Variants in FAM114A2 observed in about 807,000 individuals in gnomAD.
The protein encoded by FAM114A2 is protein FAM114A2.
FAM114A2 carries 53 observed loss-of-function variants against 58.4 expected under a neutral mutation model. The ratio of observed to expected loss-of-function variants is 0.91; its 90% CI spans 0.73 to 1.14. The LOEUF is 1.14. Among genes scored for constraint, FAM114A2 ranks in the 50% most tolerant of loss-of-function variants. FAM114A2 has a pLI of 0.00. For synonymous variants in FAM114A2, 228 were observed against 211.4 expected (o/e 1.08, Z -0.68); for missense variants, 601 against 581.1 (o/e 1.03, Z -0.35).
At chr5:154,002,416 T>C in intron 10 of FAM114A2, 26 bp from the exon 11 acceptor site, 1 of 1,607,020 alleles carries the variant, frequency 6.2e-7, no homozygotes, top group Non-Finnish European at 8.5e-7. Context: ...AAACAAAGCA[T>C]AGCAAAACAA....
chr5:154,014,341 C>A (rs947933851), intron 8 of FAM114A2, among the ~76,000 whole-genome samples: 18 of 152,104 alleles, frequency 1.2e-4, no homozygotes, highest in African/African-American at 4.1e-4. Flanking sequence ...GACAGAGCAG[C>A]GCGTGGAGGC....
At chr5:154,024,750 CT>C (rs1771668894) in intron 8 of FAM114A2, among the ~76,000 whole-genome samples, 5 of 152,258 alleles carry the variant, frequency 3.3e-5, no homozygotes. Context: ...TCCATTAGGT[CT>C]TTTACCCATG....
At position 154,002,339 on chromosome 5, in the gene FAM114A2, T is replaced by A; in HGVS notation, c.1168A>T (p.Ile390Phe). ...GCAGCTGTTTTGTGGAATAGTTCAA[T>A]TGAGCAGGCAGTCAGTTCAGCCAGG... ...RSLAELTACS[I>F]ELFHKTAALV... The change falls in exon 11 of 14, where the codon ATT becomes TTT. Residue 390 changes from isoleucine to phenylalanine, a missense_variant. Coordinates refer to ENST00000351797, the MANE Select transcript of FAM114A2 (RefSeq NM_018691.4). The A allele has an allele frequency of 6.2e-7, 1 of 1,614,090 alleles. No individual in the cohort carries two copies. The highest frequency in any genetic ancestry group is 1.1e-5 in the South Asian group (1 of 91,076).
intron 4 of FAM114A2, among the ~76,000 whole-genome samples, chr5:154,033,561 G>C (rs1460579379): frequency 6.6e-6 from 1 of 152,090 alleles, no homozygotes; most frequent in Admixed American, 6.5e-5. Context: ...ACAGTCACTT[G>C]AGATATAAAA....
intron 11 of FAM114A2, among the ~76,000 whole-genome samples, chr5:154,000,998 CA>C (rs1769932987): frequency 2.6e-5 from 4 of 152,054 alleles, no homozygotes; most frequent in Admixed American, 2.6e-4. Context: ...ACAACAACTC[CA>C]AAAGTAAGTG....
chr5:154,005,225 C>T (rs895276010), intron 9 of FAM114A2, among the ~76,000 whole-genome samples: 4 of 152,174 alleles, frequency 2.6e-5, no homozygotes, highest in Non-Finnish European at 5.9e-5. Context: ...CCCATATCTC[C>T]TTTCTTTTGG....
At chr5:154,015,757 T>C (rs1770999023) in intron 8 of FAM114A2, among the ~76,000 whole-genome samples, 1 of 151,802 alleles carries the variant, frequency 6.6e-6, no homozygotes, top group East Asian at 1.9e-4. Flanking sequence ...CAGCAATGAA[T>C]CCAAACCAAG....
In FAM114A2 at chr5:153,990,276, T is replaced by C. The variant is rs373174949; in HGVS notation, c.*2700A>G. 1 of 152,162 alleles carries C rather than the reference T, an allele frequency of 6.6e-6. No homozygotes were observed. Among genetic ancestry groups the C allele is most frequent in the Non-Finnish European group, 1.5e-5 (1 of 68,034 alleles). 9.4% of individuals were successfully genotyped at this position (152,162 alleles called of 1,614,324 possible). A position where few individuals can be genotyped will look rare whatever the true frequency, so the allele number is the denominator to read the frequency against. On this transcript the variant is annotated 3_prime_UTR_variant, in exon 14 of 14. Transcript: ENST00000351797. ...CTCAAATGGAGATATCAATAGCAAC[T>C]ACCTATAAAATAGCTCTCCCTCAAA...
intron 11 of FAM114A2, among the ~76,000 whole-genome samples, chr5:153,999,943 A>G (rs1228024120): frequency 3.3e-5 from 5 of 151,708 alleles, no homozygotes; most frequent in Admixed American, 3.3e-4. Context: ...GTATATATGT[A>G]TGTGTGTGTA....
chr5:154,028,279 T>C lies in FAM114A2; in HGVS notation c.500A>G (p.Lys167Arg). 1 of 1,592,100 alleles carries C rather than the reference T, an allele frequency of 6.3e-7. No homozygotes were observed. Residue 167 changes from lysine to arginine, a missense_variant, in exon 6 of 14, where the codon AAG becomes AGG. Lys to Arg is a conservative substitution (Grantham distance 26, BLOSUM62 2). Transcript: ENST00000351797. ...TISTAVQSTG[K>R]SVISGGLDAL... ...ATCCAAACCCCCACTTATAACACTC[T>C]TTCCCTAGAAAATACATGCAACCTC...
chr5:153,997,818 G>T lies in FAM114A2; in HGVS notation c.1314C>A (p.Cys438Ter). ...GGATTCTTACCCCAGCAGTTGTTAG[G>T]CAGGTAGTGAACTCTTTAGACAGAG... ...LSSLSKEFTT[C>*]LTTAGVKEMA... The change falls in exon 12 of 14, where the codon TGC becomes TGA. Residue 438 changes from cysteine to a stop codon, truncating the protein, a stop_gained. Transcript: ENST00000351797. LOFTEE classifies it high-confidence loss of function. 1 of 1,584,330 alleles carries T rather than the reference G, an allele frequency of 6.3e-7. No individual in the cohort carries two copies. Among genetic ancestry groups the T allele is most frequent in the Non-Finnish European group, 8.7e-7 (1 of 1,153,106 alleles).
intron 11 of FAM114A2, among the ~76,000 whole-genome samples, chr5:153,999,533 C>T (rs6874824): frequency 0.61 from 92,961 of 151,194 alleles, 29,069 homozygotes; most frequent in East Asian, 0.88. Flanking sequence ...ACTCAGGAGG[C>T]GGAGGCAGAA....
chr5:154,014,385 A>G lies in FAM114A2; in HGVS notation c.914-3065T>C, dbSNP rs80269912. On this transcript the variant is annotated intron_variant, in intron 8 of 13. Coordinates refer to ENST00000351797, the MANE Select transcript of FAM114A2 (RefSeq NM_018691.4). ...TAAACTTCTGCTCCAGAATGACTAC[A>G]GGAATATATCAGGAAGGCCAAGAGA... Among the ~76,000 whole-genome samples, 1,009 of 152,318 alleles carry G rather than the reference A, an allele frequency of 6.6e-3. 36 individuals carry two copies. In the East Asian group the frequency reaches 0.12, roughly 17 times the overall value.
intron 8 of FAM114A2, among the ~76,000 whole-genome samples, chr5:154,015,697 A>G (rs935749470): frequency 6.6e-6 from 1 of 152,162 alleles, no homozygotes; most frequent in African/African-American, 2.4e-5. Context: ...AACTCTGGTA[A>G]TATGACAAAA....
chr5:153,999,686 T>C (rs559074543), intron 11 of FAM114A2, among the ~76,000 whole-genome samples: 1 of 152,002 alleles, frequency 6.6e-6, no homozygotes, highest in East Asian at 1.9e-4. Flanking sequence ...AGAGAATTCT[T>C]ATACATTGTT....
At chr5:154,008,407 T>A (rs1487679241) in intron 9 of FAM114A2, among the ~76,000 whole-genome samples, 2 of 152,122 alleles carry the variant, frequency 1.3e-5, no homozygotes, top group Non-Finnish European at 2.9e-5. Context: ...GTAGTACAGG[T>A]CAAGTATCCC....
At chr5:154,016,733 A>T (rs1771063285) in intron 8 of FAM114A2, among the ~76,000 whole-genome samples, 1 of 152,078 alleles carries the variant, frequency 6.6e-6, no homozygotes, top group African/African-American at 2.4e-5. Context: ...AAAAAAAAAC[A>T]AGGTGTACAG....
At chr5:154,022,047 G>C (rs1581813283) in intron 8 of FAM114A2, among the ~76,000 whole-genome samples, 1 of 152,182 alleles carries the variant, frequency 6.6e-6, no homozygotes, top group East Asian at 1.9e-4. Context: ...ATGGGGAAAG[G>C]ATTCCCTATT....
At chr5:153,996,719 G>A (rs911072448) in intron 12 of FAM114A2, among the ~76,000 whole-genome samples, 5 of 150,450 alleles carry the variant, frequency 3.3e-5, no homozygotes, top group African/African-American at 1.2e-4. Context: ...CATTGGCGCT[G>A]GGCACGGTGG....
Sources: allele counts gnomAD v4.1 joint callset (sites outside exome capture counted in the v4.1 genomes callset), GRCh38; gene constraint gnomAD v4.1.1; transcripts MANE v1.5; gene names NCBI Gene and HGNC (gene_info 2026-07-23, HGNC 2026-07-21).